L3MBTL4: variants seen among roughly 807,000 people sequenced by gnomAD.
The protein encoded by L3MBTL4 is L3MBTL histone methyl-lysine binding protein 4, also known as lethal(3)malignant brain tumor-like protein 4.
Under a neutral mutation model 84.5 loss-of-function variants are expected in L3MBTL4, and 70 were observed. The ratio of observed to expected loss-of-function variants is 0.83; its 90% CI spans 0.68 to 1.01. The LOEUF (loss-of-function observed/expected upper bound fraction) is 1.01. Ranked by LOEUF, L3MBTL4 falls within the 50% of genes least tolerant of loss-of-function variation. The pLI is 0.00. For missense variants in L3MBTL4, 715 were observed against 754.8 expected (o/e 0.95, Z 0.62); for synonymous variants, 274 against 259.8 (o/e 1.05, Z -0.52).
At chr18:6,167,932 A>G (rs375280844) in intron 13 of L3MBTL4, among the ~76,000 whole-genome samples, 1 of 152,140 alleles carries the variant, frequency 6.6e-6, no homozygotes, top group African/African-American at 2.4e-5. Flanking sequence ...AAACCACATC[A>G]TCTCAGCCCA....
At chr18:6,263,163 A>T (rs1475391396) in intron 5 of L3MBTL4, among the ~76,000 whole-genome samples, 1 of 151,734 alleles carries the variant, frequency 6.6e-6, no homozygotes, top group African/African-American at 2.4e-5. Flanking sequence ...CCAGCTTCTC[A>T]GATGCTGAGG....
chr18:6,303,587 T>G (rs1319812446), intron 3 of L3MBTL4, among the ~76,000 whole-genome samples: 2 of 152,228 alleles, frequency 1.3e-5, no homozygotes, highest in African/African-American at 2.4e-5. Context: ...AGTTTTGGGA[T>G]AGATCTTTTT....
intron 1 of L3MBTL4, among the ~76,000 whole-genome samples, chr18:6,312,992 T>C (rs2050910600): frequency 6.6e-6 from 1 of 152,196 alleles, no homozygotes; most frequent in Non-Finnish European, 1.5e-5. Context: ...CTGACCCCAC[T>C]AAAAGAGACT....
intron 4 of L3MBTL4, among the ~76,000 whole-genome samples, chr18:6,267,038 A>G (rs1219262780): frequency 6.6e-6 from 1 of 152,134 alleles, no homozygotes; most frequent in Non-Finnish European, 1.5e-5. Flanking sequence ...TTTCCACTAA[A>G]GTGAGTAAAA....
intron 14 of L3MBTL4, among the ~76,000 whole-genome samples, chr18:6,105,238 TAGAGTGC>T (rs2058965770): frequency 7.0e-6 from 1 of 143,094 alleles, no homozygotes; most frequent in South Asian, 2.3e-4. Context: ...TCTCCCAGGC[TAGAGTGC>T]AGTGGCATGA....
chr18:6,147,030 T>C (rs1031210061), intron 13 of L3MBTL4, among the ~76,000 whole-genome samples: 4 of 152,144 alleles, frequency 2.6e-5, no homozygotes, highest in African/African-American at 9.6e-5. Context: ...AGCTTGAGAA[T>C]GCAGCAGTGG....
chr18:6,203,997 C>G (rs1439364488), intron 12 of L3MBTL4, among the ~76,000 whole-genome samples: 1 of 152,170 alleles, frequency 6.6e-6, no homozygotes, highest in Non-Finnish European at 1.5e-5. Flanking sequence ...GTGTGCCCAG[C>G]CTGCCTCATG....
intron 1 of L3MBTL4, among the ~76,000 whole-genome samples, chr18:6,364,049 G>A (rs1241503273): frequency 6.6e-6 from 1 of 151,948 alleles, no homozygotes; most frequent in Non-Finnish European, 1.5e-5. Flanking sequence ...AGGGGTCCTC[G>A]ACATCCTCTC....
At chr18:6,009,092 G>A (rs112301377) in intron 16 of L3MBTL4, among the ~76,000 whole-genome samples, 1 of 152,204 alleles carries the variant, frequency 6.6e-6, no homozygotes, top group Non-Finnish European at 1.5e-5. Flanking sequence ...TCAGACCTCA[G>A]ACAGAATGAC....
At chr18:6,051,368 G>T (rs780319384) in intron 16 of L3MBTL4, among the ~76,000 whole-genome samples, 19 of 152,038 alleles carry the variant, frequency 1.2e-4, no homozygotes, top group Non-Finnish European at 2.5e-4. Flanking sequence ...GTGAAACCCC[G>T]TCTCTACTAA....
At chr18:6,224,636 C>G (rs1377610412) in intron 10 of L3MBTL4, among the ~76,000 whole-genome samples, 1 of 152,190 alleles carries the variant, frequency 6.6e-6, no homozygotes. Context: ...GCAGCACCCT[C>G]CCAAGTCATC....
chr18:6,052,705 C>T (rs1397316797), intron 16 of L3MBTL4, among the ~76,000 whole-genome samples: 3 of 152,218 alleles, frequency 2.0e-5, no homozygotes, highest in Admixed American at 6.5e-5. Context: ...TCTGAATTTA[C>T]GTTTTGCAAA....
At chr18:6,370,143 A>G (rs2054098679) in intron 1 of L3MBTL4, among the ~76,000 whole-genome samples, 3 of 151,196 alleles carry the variant, frequency 2.0e-5, no homozygotes. Context: ...CAAAAAAAAA[A>G]AAAAAAAAAA....
At chr18:6,028,397 A>G (rs183616440) in intron 16 of L3MBTL4, among the ~76,000 whole-genome samples, 28 of 152,180 alleles carry the variant, frequency 1.8e-4, no homozygotes, top group African/African-American at 6.7e-4. Context: ...CAGACCTTAT[A>G]TCTGTTTTGG....
At chr18:6,102,009 A>G (rs1004709431) in intron 14 of L3MBTL4, among the ~76,000 whole-genome samples, 2 of 152,220 alleles carry the variant, frequency 1.3e-5, no homozygotes, top group Non-Finnish European at 2.9e-5. Context: ...TCACATCAAA[A>G]TAATCACTGC....
chr18:6,222,245 A>G (rs1166858415), intron 10 of L3MBTL4, among the ~76,000 whole-genome samples: 1 of 152,208 alleles, frequency 6.6e-6, no homozygotes, highest in African/African-American at 2.4e-5. Flanking sequence ...TTTTTACTTG[A>G]TCATTAATTA....
chr18:6,196,307 G>C (rs7506138), intron 12 of L3MBTL4, among the ~76,000 whole-genome samples: 1 of 151,846 alleles, frequency 6.6e-6, no homozygotes, highest in Non-Finnish European at 1.5e-5. Context: ...ACAGGCGCCC[G>C]CCACCACGCC....
At chr18:6,205,473 A>G (rs1172409816) in intron 12 of L3MBTL4, among the ~76,000 whole-genome samples, 2 of 152,190 alleles carry the variant, frequency 1.3e-5, no homozygotes, top group African/African-American at 4.8e-5. Flanking sequence ...TGTTTGTTGC[A>G]TAGGTATACA....
intron 10 of L3MBTL4, among the ~76,000 whole-genome samples, chr18:6,225,896 A>G (rs1439804794): frequency 6.6e-6 from 1 of 152,108 alleles, no homozygotes; most frequent in Non-Finnish European, 1.5e-5. Context: ...ATGTCTGTAC[A>G]ATGTTAAGGC....
Sources: allele counts gnomAD v4.1 joint callset (sites outside exome capture counted in the v4.1 genomes callset), GRCh38; gene constraint gnomAD v4.1.1; transcripts MANE v1.5; gene names NCBI Gene and HGNC (gene_info 2026-07-23, HGNC 2026-07-21).